DIO2: variants seen among roughly 807,000 people sequenced by gnomAD.
DIO2 encodes the protein iodothyronine deiodinase 2.
DIO2 carries 19 observed loss-of-function variants against 21.4 expected under a neutral mutation model. The ratio of observed to expected loss-of-function variants is 0.89; its 90% CI spans 0.62 to 1.30. DIO2 has a LOEUF of 1.30. Ranked by LOEUF, DIO2 falls within the 50% of genes most tolerant of loss-of-function variation. The probability of loss-of-function intolerance (pLI) is 0.00; values close to 1 mark genes in which losing one functional copy is unlikely to be tolerated. For synonymous variants in DIO2, 122 were observed against 132.9 expected (o/e 0.92, Z 0.57); for missense variants, 302 against 338.1 (o/e 0.89, Z 0.84).
chr14:80,211,775 TAAAA>T (rs10540744), upstream of DIO2: 104 of 6,016 alleles, frequency 0.017, 1 homozygote, highest in African/African-American at 0.094. Flanking sequence ...TTTAAGATGT[TAAAA>T]AAAAAAAAAA....
intron 1 of DIO2, among the ~76,000 whole-genome samples, chr14:80,207,172 T>A (rs1358824258): frequency 6.6e-6 from 1 of 152,040 alleles, no homozygotes. Flanking sequence ...ACAGAAGACA[T>A]CTCCGGGCCA....
At chr14:80,230,844 G>A (rs565864794) in intron 2 of DIO2, 1 of 152,232 alleles carries the variant, frequency 6.6e-6, no homozygotes, top group African/African-American at 2.4e-5. Context: ...ATTAGTCAGG[G>A]TTCTCTAGAG....
intron 2 of DIO2, among the ~76,000 whole-genome samples, chr14:80,221,790 C>G (rs1287929015): frequency 6.6e-6 from 1 of 152,154 alleles, no homozygotes. Context: ...TACTGTATGA[C>G]TATAAACTTC....
At chr14:80,208,285 C>T (rs571628510) in intron 1 of DIO2, among the ~76,000 whole-genome samples, 2 of 152,256 alleles carry the variant, frequency 1.3e-5, no homozygotes, top group Admixed American at 6.5e-5. Context: ...AAATTGTACA[C>T]AGAATCCATC....
chr14:80,200,558 A>C lies in DIO2; in HGVS notation c.*2131T>G, dbSNP rs1428040575. 1 of 152,240 alleles carries C rather than the reference A, an allele frequency of 6.6e-6. No individual in the cohort carries two copies. The highest frequency in any genetic ancestry group is 2.4e-5 in the African/African-American group (1 of 41,458). The allele number at this position is 152,240 out of a possible 1,614,324, so 9.4% of individuals were successfully genotyped here. ...TGCTTTAGGGTTCCACGTAAATCTC[A>C]ACACCATTTTGAGGTTAAAAATCAA... On this transcript the variant is annotated 3_prime_UTR_variant, in exon 2 of 2. Coordinates refer to ENST00000438257, the MANE Select transcript of DIO2 (RefSeq NM_013989.5).
intron 2 of DIO2, among the ~76,000 whole-genome samples, chr14:80,227,505 GT>G (rs1888600207): frequency 6.6e-6 from 1 of 152,142 alleles, no homozygotes; most frequent in South Asian, 2.1e-4. Flanking sequence ...CAAACATTCA[GT>G]TTCCACCAAG....
chr14:80,224,411 T>A (rs1888528259), intron 2 of DIO2, among the ~76,000 whole-genome samples: 1 of 151,950 alleles, frequency 6.6e-6, no homozygotes, highest in Admixed American at 6.6e-5. Flanking sequence ...GTTAAGGATC[T>A]TGAGATAGGA....
chr14:80,217,451 A>C (rs1161783674), intron 2 of DIO2, among the ~76,000 whole-genome samples: 1 of 152,188 alleles, frequency 6.6e-6, no homozygotes, highest in Admixed American at 6.5e-5. Flanking sequence ...AATTTTGAAG[A>C]CTAATTTTTT....
At chr14:80,219,203 G>T (rs1888415986) in intron 2 of DIO2, among the ~76,000 whole-genome samples, 1 of 152,172 alleles carries the variant, frequency 6.6e-6, no homozygotes, top group African/African-American at 2.4e-5. Context: ...GCAGAAAGGT[G>T]GAAGGTAGGG....
At chr14:80,214,391 A>C (rs1306538914), upstream of DIO2, among the ~76,000 whole-genome samples, 1 of 152,246 alleles carries the variant, frequency 6.6e-6, no homozygotes, top group Admixed American at 6.5e-5. Context: ...CCTTTCTTTT[A>C]AATGTGAAGT....
intron 2 of DIO2, among the ~76,000 whole-genome samples, chr14:80,227,836 G>C (rs370761416): frequency 6.6e-6 from 1 of 152,186 alleles, no homozygotes. Context: ...CCCAAATGAG[G>C]AATGTGTTGC....
chr14:80,203,446 A>C (rs1887828372), intron 1 of DIO2, among the ~76,000 whole-genome samples, 158 bp from the exon 2 acceptor site: 1 of 152,212 alleles, frequency 6.6e-6, no homozygotes, highest in African/African-American at 2.4e-5. Context: ...GATTTGAGTA[A>C]AGAGGCATGA....
chr14:80,203,152 G>A lies in DIO2; in HGVS notation c.359C>T (p.Pro120Leu), dbSNP rs764684757. 2 of 1,612,728 alleles carry A rather than the reference G, an allele frequency of 1.2e-6. No individual in the cohort carries two copies. Among genetic ancestry groups the A allele is most frequent in the African/African-American group, 2.7e-5 (2 of 74,862 alleles). The change falls in exon 2 of 2, where the codon CCT becomes CTT. Residue 120 changes from proline to leucine, a missense_variant. Coordinates refer to ENST00000438257, the MANE Select transcript of DIO2 (RefSeq NM_013989.5). ...ATCHLLDFAS[P>L]ERPLVVNFGS... ...AAAGTTGACCACTAGTGGGCGCTCAGGGCTGGCAAAGTCAAGAAGGTGGCA... is the reference window on the plus strand; with the variant it reads ...AAAGTTGACCACTAGTGGGCGCTCAAGGCTGGCAAAGTCAAGAAGGTGGCA...
Position 80,202,826 on chromosome 14 carries a change from G to A in DIO2, c.685C>T (p.Arg229Cys). Reference sequence around the variant, plus strand: ...TTCTGTCTCTGCACAATGCACACACGTTCAAAGGCTACCCCGTAAGCTATG... The same window carrying A: ...TTCTGTCTCTGCACAATGCACACACATTCAAAGGCTACCCCGTAAGCTATG... ...ANIAYGVAFE[R>C]VCIVQRQKIA... The change falls in exon 2 of 2, where the codon CGT becomes TGT. Residue 229 changes from arginine (R) to cysteine (C), a missense_variant. Physicochemically the swap from Arg to Cys is radical, Grantham distance 180. Transcript: ENST00000438257. 1 of 1,613,880 alleles carries A rather than the reference G, an allele frequency of 6.2e-7. No individual in the cohort carries two copies. Among genetic ancestry groups the A allele is most frequent in the Non-Finnish European group, 8.5e-7 (1 of 1,179,878 alleles).
chr14:80,218,476 C>T (rs1190768655), intron 2 of DIO2, among the ~76,000 whole-genome samples: 3 of 152,128 alleles, frequency 2.0e-5, no homozygotes, highest in Non-Finnish European at 4.4e-5. Context: ...TGTTCCTTAC[C>T]TCTAAATTAC....
intron 2 of DIO2, among the ~76,000 whole-genome samples, chr14:80,227,062 C>T (rs1042725585): frequency 3.3e-5 from 5 of 152,306 alleles, no homozygotes; most frequent in South Asian, 4.1e-4. Flanking sequence ...ACCAGGTACA[C>T]TGCTCAAAGT....
At chr14:80,209,492 TTAA>T in intron 1 of DIO2, among the ~76,000 whole-genome samples, 1 of 152,272 alleles carries the variant, frequency 6.6e-6, no homozygotes, top group Admixed American at 6.5e-5. Context: ...AACTTCCTAA[TTAA>T]TAATATGTCT....
chr14:80,212,988 C>T (rs1170117776), upstream of DIO2, among the ~76,000 whole-genome samples: 1 of 152,140 alleles, frequency 6.6e-6, no homozygotes, highest in Non-Finnish European at 1.5e-5. Context: ...TTAATGAAAG[C>T]TCTTTAAATT....
intron 2 of DIO2, among the ~76,000 whole-genome samples, chr14:80,230,077 T>C (rs1888655879): frequency 6.6e-6 from 1 of 152,066 alleles, no homozygotes; most frequent in African/African-American, 2.4e-5. Flanking sequence ...TCAGGCAGCA[T>C]AGGGTTTATC....
Sources: gnomAD v4.1 joint callset for allele counts (sites outside exome capture counted in the v4.1 genomes callset) on GRCh38, gnomAD v4.1.1 for gene constraint, MANE v1.5 for transcripts, NCBI Gene and HGNC (gene_info 2026-07-23, HGNC 2026-07-21) for gene names.